CDH22: variants seen among roughly 807,000 people sequenced by gnomAD.
The protein encoded by CDH22 is cadherin 22, also known as cadherin-22.
A neutral mutation model predicts 58.4 loss-of-function variants in CDH22; 30 were observed. The ratio of observed to expected loss-of-function variants is 0.51; its 90% CI spans 0.38 to 0.70. The LOEUF (loss-of-function observed/expected upper bound fraction) is 0.70, where lower values mean the gene tolerates loss of function less well. Ranked by LOEUF, CDH22 falls within the 30% of genes least tolerant of loss-of-function variation. The pLI, the probability that CDH22 is intolerant of heterozygous loss-of-function variation, is 0.00. For synonymous variants in CDH22, 513 were observed against 558.2 expected, an observed-to-expected ratio of 0.92 and a Z score of 1.14; for missense variants, 1,014 against 1,233.9, an observed-to-expected ratio of 0.82 and a Z score of 2.67.
At chr20:46,180,926 TTGTGTGTGTGTG>T (rs11471209) in intron 10 of CDH22, among the ~76,000 whole-genome samples, 200 of 142,594 alleles carry the variant, frequency 1.4e-3, no homozygotes, top group African/African-American at 4.9e-3. Flanking sequence ...AAAGTTTGTT[TTGTGTGTGTGTG>T]TGTGTGTGTG....
chr20:46,211,706 T>A (rs1280671474), intron 6 of CDH22, among the ~76,000 whole-genome samples: 1 of 152,064 alleles, frequency 6.6e-6, no homozygotes, highest in Non-Finnish European at 1.5e-5. Context: ...TGAAGCTGGG[T>A]TTCTCTGGGC....
At chr20:46,199,275 T>TC in intron 8 of CDH22, 148 bp downstream of exon 8, 1 of 949,898 alleles carries the variant, frequency 1.1e-6, no homozygotes. Flanking sequence ...TTCTTTCTCT[T>TC]CGCACCATCC....
rs747323649 is a variant in CDH22, at chr20:46,174,631, G to T, written c.2362C>A (p.Leu788Met). 6.1e-5 allele frequency: 94 copies of T among 1,550,384 alleles called. 1 individual carries two copies. In the Middle Eastern group the frequency reaches 1.3e-3, roughly 22 times the overall value. The change falls in exon 12 of 12, where the codon CTG (leucine) becomes ATG (methionine). Residue 788 changes from leucine (L) to methionine (M), a missense_variant. Physicochemically the swap from Leu to Met is conservative, Grantham distance 15. This residue lies in a region of CDH22 where 208 missense variants were observed against 195.2 expected (regional missense o/e 1.07). Coordinates refer to ENST00000537909, the MANE Select transcript of CDH22 (RefSeq NM_021248.3). The surrounding 1 kb of genome is among the most constrained non-coding windows in gnomAD (Gnocchi z 4.4). ...ADSPAASLSS[L>M]HSGSSGSEQD... ...TCGGAGCCCGACGAGCCGCTGTGCA[G>T]GGAGCTGAGCGAGGCGGCCGGCGAG...
chr20:46,178,462 T>C (rs2085757821), intron 10 of CDH22, among the ~76,000 whole-genome samples: 1 of 151,996 alleles, frequency 6.6e-6, no homozygotes, highest in Non-Finnish European at 1.5e-5. Flanking sequence ...CACAATTCTG[T>C]CCTCAAACCA....
chr20:46,285,959 C>T (rs969659473), intron 1 of CDH22, among the ~76,000 whole-genome samples: 6 of 152,194 alleles, frequency 3.9e-5, no homozygotes, highest in African/African-American at 1.4e-4. Context: ...GCACGACAGG[C>T]TGTCTGTCCC....
At chr20:46,306,209 G>A (rs1275004115) in intron 1 of CDH22, among the ~76,000 whole-genome samples, 4 of 152,246 alleles carry the variant, frequency 2.6e-5, no homozygotes, top group Admixed American at 1.3e-4. Context: ...GCCAAGAAAC[G>A]GCTCTGTTTT....
At chr20:46,194,287 A>G (rs1002833713) in intron 8 of CDH22, among the ~76,000 whole-genome samples, 3 of 152,156 alleles carry the variant, frequency 2.0e-5, no homozygotes, top group Non-Finnish European at 1.5e-5. Flanking sequence ...CTGCGGGTAC[A>G]TGGCTTGTTG....
At chr20:46,291,611 A>T (rs965800548) in intron 1 of CDH22, among the ~76,000 whole-genome samples, 3 of 152,196 alleles carry the variant, frequency 2.0e-5, no homozygotes, top group Middle Eastern at 3.2e-3. Context: ...CTCCCGAGAT[A>T]GGTGCTCTTG....
intron 1 of CDH22, among the ~76,000 whole-genome samples, chr20:46,290,637 T>C (rs2086597101): frequency 6.6e-6 from 1 of 152,074 alleles, no homozygotes; most frequent in African/African-American, 2.4e-5. Context: ...TCCTCCTGGA[T>C]GGAGCTGCTG....
At chr20:46,182,405 T>C (rs1027626179) in intron 10 of CDH22, among the ~76,000 whole-genome samples, 1 of 152,130 alleles carries the variant, frequency 6.6e-6, no homozygotes, top group Non-Finnish European at 1.5e-5. Context: ...TGTGAGATAA[T>C]AGTAGTAGTG....
chr20:46,178,203 C>T lies in CDH22; in HGVS notation c.1664-6G>A. ...GTGCACTGCAGCGGTGTTGTCTGTT[C>T]CGGAAGAAGGGGGAGCGGTGTGACT... On this transcript the variant is annotated splice_polypyrimidine_tract_variant and splice_region_variant and intron_variant, in intron 10 of 11. Coordinates refer to ENST00000537909, the MANE Select transcript of CDH22 (RefSeq NM_021248.3). 6.2e-7 allele frequency: 1 copy of T among 1,607,328 alleles called. No homozygotes were observed. The highest frequency in any genetic ancestry group is 8.5e-7 in the Non-Finnish European group (1 of 1,174,804).
At chr20:46,215,000 G>A (rs2086073556) in intron 5 of CDH22, among the ~76,000 whole-genome samples, 2 of 152,348 alleles carry the variant, frequency 1.3e-5, no homozygotes, top group South Asian at 4.1e-4. Context: ...GTTACCAGTA[G>A]ACACTCACCA....
In CDH22 at chr20:46,210,458, C is replaced by T; in HGVS notation, c.1135G>A (p.Ala379Thr). The T allele has an allele frequency of 7.0e-7, 1 of 1,435,462 alleles. No individual in the cohort carries two copies. The highest frequency in any genetic ancestry group is 9.2e-7 in the Non-Finnish European group (1 of 1,091,772). The allele number at this position is 1,435,462 out of a possible 1,614,324, so 88.9% of individuals were successfully genotyped here. Residue 379 changes from alanine to threonine, a missense_variant, in exon 7 of 12, where the codon GCG (alanine) becomes ACG (threonine). By Grantham distance (58) the Ala-to-Thr change is moderately conservative (BLOSUM62 0). Transcript: ENST00000537909. The surrounding 1 kb of genome is among the most constrained non-coding windows in gnomAD (Gnocchi z 4.5). The stretch of plus-strand genomic sequence containing the variant: ...TCGGTCACGGCCACGCGCACGATCG[C>T]CTGGTCGCGGAACGTGCCCAGGTCG... ...FADLGTFRDQ[A>T]IVRVAVTDVD... is the part of the protein sequence containing the mutation.
At chr20:46,193,142 T>C (rs1219780008) in intron 8 of CDH22, among the ~76,000 whole-genome samples, 1 of 152,092 alleles carries the variant, frequency 6.6e-6, no homozygotes, top group Non-Finnish European at 1.5e-5. Flanking sequence ...CCTTCCCCAG[T>C]GGCTGAGCTG....
Position 46,242,690 on chromosome 20 carries a change from AG to A in CDH22, c.256-1434del, listed in dbSNP as rs2086300673. ...GGCTGAGAGAGTTGGGGCGAGGGAG[AG>A]GAGAGGGACTATTTACTGCAGGTAT... On this transcript the variant is annotated intron_variant, in intron 2 of 11. Coordinates refer to ENST00000537909, the MANE Select transcript of CDH22 (RefSeq NM_021248.3). Among the ~76,000 whole-genome samples, 7 of 152,196 alleles carry A rather than the reference AG, an allele frequency of 4.6e-5. No homozygotes were observed. The South Asian group carries it at 1.5e-3, about 32-fold the overall frequency.
intron 2 of CDH22, among the ~76,000 whole-genome samples, chr20:46,245,987 C>T (rs566190624): frequency 2.0e-5 from 3 of 152,130 alleles, no homozygotes; most frequent in Non-Finnish European, 4.4e-5. Context: ...TGTGGCCAGC[C>T]CTGGAGGAGA....
intron 1 of CDH22, among the ~76,000 whole-genome samples, chr20:46,270,437 C>T (rs2086481161): frequency 6.6e-6 from 1 of 152,128 alleles, no homozygotes; most frequent in Non-Finnish European, 1.5e-5. Context: ...TACTTTATCC[C>T]CTCTCCTGAC....
chr20:46,283,361 G>A (rs887207840), intron 1 of CDH22, among the ~76,000 whole-genome samples: 4 of 152,138 alleles, frequency 2.6e-5, no homozygotes, highest in Non-Finnish European at 4.4e-5. Flanking sequence ...CCTGGGACAC[G>A]TTCCCTAACA....
intron 3 of CDH22, among the ~76,000 whole-genome samples, chr20:46,230,683 G>A (rs2086214606): frequency 6.6e-6 from 1 of 152,088 alleles, no homozygotes; most frequent in African/African-American, 2.4e-5. Flanking sequence ...ACAAAACAGG[G>A]CCTTCAGATA....
Sources: gnomAD v4.1 joint callset for allele counts (sites outside exome capture counted in the v4.1 genomes callset) on GRCh38, gnomAD v4.1.1 for gene constraint, gnomAD v4.1.1 regional missense constraint, Gnocchi (gnomAD v3.1) non-coding constraint, MANE v1.5 for transcripts, NCBI Gene and HGNC (gene_info 2026-07-23, HGNC 2026-07-21) for gene names.